Variants in CFAP251 observed in about 807,000 individuals in gnomAD.
The protein encoded by CFAP251 is cilia- and flagella-associated protein 251.
In CFAP251, 93 loss-of-function variants were observed where a neutral mutation model predicts 126.7. The ratio of observed to expected loss-of-function variants is 0.73; its 90% CI spans 0.62 to 0.87. The LOEUF (loss-of-function observed/expected upper bound fraction) is 0.87, where lower values mean the gene tolerates loss of function less well. CFAP251 is among the 40% of genes least tolerant of loss of function. CFAP251 has a pLI of 0.00. For missense variants in CFAP251, 1,287 were observed against 1,389.2 expected (o/e 0.93, Z 1.17); for synonymous variants, 503 against 506.9 (o/e 0.99, Z 0.10).
intron 15 of CFAP251, among the ~76,000 whole-genome samples, chr12:121,962,434 A>G (rs964113195): frequency 6.6e-6 from 1 of 152,200 alleles, no homozygotes; most frequent in African/African-American, 2.4e-5. Context: ...TTCTCCTCTC[A>G]TTAAGAAAAA....
rs752417888 is a variant in CFAP251, at chr12:121,921,682, C to T, written c.377C>T (p.Pro126Leu). ...DSQSITSGIF[P>L]KTQRGSKSKL... Reference sequence around the variant, plus strand: ...CAGTCAATCACATCAGGAATTTTCCCAGTAAGTAGTCATCTTAATTCATTC... The same window carrying T: ...CAGTCAATCACATCAGGAATTTTCCTAGTAAGTAGTCATCTTAATTCATTC... Residue 126 changes from proline (P) to leucine (L), a missense_variant and splice_region_variant, in exon 2 of 22, where the codon CCA becomes CTA. Coordinates refer to ENST00000288912, the MANE Select transcript of CFAP251 (RefSeq NM_144668.6). 9 of 1,603,176 alleles carry T rather than the reference C, an allele frequency of 5.6e-6. No homozygotes were observed. In the Admixed American group the frequency reaches 8.6e-5, roughly 15 times the overall value.
At position 121,942,586 on chromosome 12, in the gene CFAP251, G is replaced by A. The variant is rs757410671; in HGVS notation, c.1051G>A (p.Ala351Thr). Residue 351 changes from alanine (A) to threonine (T), a missense_variant, in exon 6 of 22, where the codon GCC becomes ACC. Physicochemically the swap from Ala to Thr is moderately conservative, Grantham distance 58 (BLOSUM62 0). Transcript: ENST00000288912. Reference sequence around the variant, plus strand: ...CTGCCCTGAAGGGAATGGCATCATGGCCATGGCCATGACCCACGACGCCAA... The same window carrying A: ...CTGCCCTGAAGGGAATGGCATCATGACCATGGCCATGACCCACGACGCCAA... Reference protein sequence around the residue: ...DSCPEGNGIMAMAMTHDAKYL... With the variant: ...DSCPEGNGIMTMAMTHDAKYL... 6.2e-7 allele frequency: 1 copy of A among 1,613,790 alleles called. No homozygotes were observed.
Position 121,928,670 on chromosome 12 carries a change from G to GTA in CFAP251, c.748-3059_748-3058dup, listed in dbSNP as rs373937834. Among the ~76,000 whole-genome samples, 254 of 50,876 alleles carry GTA rather than the reference G, an allele frequency of 5.0e-3. 1 individual carries two copies. Among genetic ancestry groups the GTA allele is most frequent in the East Asian group, 9.0e-3 (20 of 2,230 alleles). The allele number at this position is 50,876 out of a possible 152,430, so 33.4% of individuals were successfully genotyped here. A position where few individuals can be genotyped will look rare whatever the true frequency, so the allele number is the denominator to read the frequency against. ...TATATATATATACGTATATATATAC[G>GTA]TATATATATATATATATACGTATAT... On this transcript the variant is annotated intron_variant, in intron 3 of 21. Transcript: ENST00000288912.
In CFAP251 at chr12:122,003,866, CT is replaced by C; in HGVS notation, c.*103del. ...TGCTTTTTATGCATTTCCCTCCCCC[CT>C]CTCATCTTTAGAACATTTAGACATT... On this transcript the variant is annotated 3_prime_UTR_variant, in exon 22 of 22. Coordinates refer to ENST00000288912, the MANE Select transcript of CFAP251 (RefSeq NM_144668.6). The C allele has an allele frequency of 1.2e-6, 1 of 811,954 alleles. No homozygotes were observed. The highest frequency in any genetic ancestry group is 3.2e-5 in the East Asian group (1 of 31,520). The allele number at this position is 811,954 out of a possible 1,614,324, so 50.3% of individuals were successfully genotyped here.
At chr12:121,960,524 G>A in intron 13 of CFAP251, 61 bp from the exon 14 acceptor site, 1 of 1,589,630 alleles carries the variant, frequency 6.3e-7, no homozygotes, top group Non-Finnish European at 8.6e-7. Flanking sequence ...GGCCCATAAT[G>A]ATGATTCTTA....
intron 5 of CFAP251, among the ~76,000 whole-genome samples, chr12:121,934,961 C>G (rs896200757): frequency 6.6e-6 from 1 of 152,186 alleles, no homozygotes; most frequent in African/African-American, 2.4e-5. Flanking sequence ...CGCATGCAAC[C>G]ACACCTGGCT....
chr12:121,928,656 ACG>A (rs200790681), intron 3 of CFAP251, among the ~76,000 whole-genome samples: 1,171 of 26,234 alleles, frequency 0.045, 48 homozygotes, highest in Middle Eastern at 0.12. Flanking sequence ...ATATATATAT[ACG>A]TATATATATA....
In CFAP251 at chr12:121,924,277, T is replaced by G. The variant is rs530704557; in HGVS notation, c.747+287T>G. 3.4e-5 allele frequency among the ~76,000 whole-genome samples: 5 copies of G among 148,992 alleles called. No individual in the cohort carries two copies. In the South Asian group the frequency reaches 1.1e-3, roughly 32 times the overall value. On this transcript the variant is annotated intron_variant, in intron 3 of 21. Transcript: ENST00000288912. The stretch of plus-strand genomic sequence containing the variant: ...GGCATGAGCCACCACGCCTGGCTAA[T>G]TTTTGTATTTTTAGTAGAGATGGCG...
chr12:121,924,812 G>A (rs1366100251), intron 3 of CFAP251, among the ~76,000 whole-genome samples: 5 of 152,166 alleles, frequency 3.3e-5, no homozygotes, highest in Non-Finnish European at 5.9e-5. Context: ...CGGCATCTGC[G>A]TTCAATGGTG....
intron 5 of CFAP251, among the ~76,000 whole-genome samples, chr12:121,940,502 T>TTTA (rs1881067948): frequency 6.6e-6 from 1 of 152,124 alleles, no homozygotes; most frequent in South Asian, 2.1e-4. Context: ...CTGAGGCCTG[T>TTTA]TTATCTTCAC....
chr12:121,930,512 C>T (rs921628872), intron 3 of CFAP251, among the ~76,000 whole-genome samples: 1 of 151,808 alleles, frequency 6.6e-6, no homozygotes, highest in African/African-American at 2.4e-5. Flanking sequence ...AAAAAAAACC[C>T]CAAAAAACTT....
chr12:121,983,349 A>G (rs1166523619), intron 19 of CFAP251, among the ~76,000 whole-genome samples: 1 of 125,724 alleles, frequency 8.0e-6, no homozygotes, highest in Non-Finnish European at 2.0e-5. Context: ...TGCTATGATC[A>G]TGCCTGTGAA....
intron 13 of CFAP251, among the ~76,000 whole-genome samples, 175 bp from the exon 14 acceptor site, chr12:121,960,410 G>A (rs554237283): frequency 6.6e-6 from 1 of 152,080 alleles, no homozygotes; most frequent in Non-Finnish European, 1.5e-5. Flanking sequence ...TAGAGATGGG[G>A]TTTTGCCATA....
chr12:121,988,242 A>G (rs1882797589), intron 19 of CFAP251, among the ~76,000 whole-genome samples: 1 of 152,162 alleles, frequency 6.6e-6, no homozygotes, highest in Admixed American at 6.6e-5. Context: ...TTATTGAGAT[A>G]TACCACATAC....
chr12:121,988,910 AT>A (rs1882813201), intron 19 of CFAP251, among the ~76,000 whole-genome samples: 1 of 151,372 alleles, frequency 6.6e-6, no homozygotes, highest in African/African-American at 2.4e-5. Context: ...TAATTTTTGT[AT>A]TTTTAGTAGA....
intron 7 of CFAP251, among the ~76,000 whole-genome samples, chr12:121,947,444 G>C (rs1280137158): frequency 6.6e-6 from 1 of 151,926 alleles, no homozygotes; most frequent in Non-Finnish European, 1.5e-5. Flanking sequence ...TCAGTCATTT[G>C]GATGGGTCTT....
Position 122,002,172 on chromosome 12 carries a change from T to C in CFAP251, c.3337+574T>C, listed in dbSNP as rs79710354. ...GAGTTCAAGACCAGCCTGACCAACA[T>C]GGTGAAATCCCATCTCTACTAAAAA... is the stretch of plus-strand genomic sequence containing the variant. On this transcript the variant is annotated intron_variant, in intron 21 of 21. Transcript: ENST00000288912. Among the ~76,000 whole-genome samples the C allele has an allele frequency of 1.3e-3, 193 of 151,902 alleles. 5 individuals are homozygous for C. In the East Asian group the frequency reaches 0.035, roughly 28 times the overall value.
intron 19 of CFAP251, among the ~76,000 whole-genome samples, chr12:121,995,478 C>G (rs766827846): frequency 4.6e-5 from 7 of 151,870 alleles, no homozygotes; most frequent in African/African-American, 9.7e-5. Context: ...TATCTGTAAC[C>G]AATAATGTTA....
intron 15 of CFAP251, among the ~76,000 whole-genome samples, chr12:121,962,477 A>AT (rs1473147943): frequency 1.3e-5 from 2 of 152,030 alleles, no homozygotes; most frequent in East Asian, 3.9e-4. Flanking sequence ...CAATTGTTTG[A>AT]TTTTTTCTTA....
Sources: allele counts gnomAD v4.1 joint callset (sites outside exome capture counted in the v4.1 genomes callset), GRCh38; gene constraint gnomAD v4.1.1; transcripts MANE v1.5; gene names NCBI Gene and HGNC (gene_info 2026-07-23, HGNC 2026-07-21).